WDR11: variants seen among roughly 807,000 people sequenced by gnomAD.
The protein encoded by WDR11 is WD repeat domain 11.
WDR11 carries 83 observed loss-of-function variants against 151.2 expected under a neutral mutation model. That is an observed-to-expected ratio of 0.55 (90% CI 0.46 to 0.66). The LOEUF is 0.66. Among genes scored for constraint, WDR11 ranks in the 30% least tolerant of loss-of-function variants. WDR11 has a pLI of 0.00. For missense variants in WDR11, 1,301 were observed against 1,480.9 expected (o/e 0.88, Z 1.99); for synonymous variants, 484 against 533.1 (o/e 0.91, Z 1.27).
At position 120,883,884 on chromosome 10, in the gene WDR11, C is replaced by CTT. The variant is rs769118717; in HGVS notation, c.1846_1847dup (p.Leu616PhefsTer10). On this transcript the variant is annotated frameshift_variant, in exon 14 of 29. Coordinates refer to ENST00000263461, the MANE Select transcript of WDR11 (RefSeq NM_018117.12). LOFTEE classifies it high-confidence loss of function. ...TCCAAAAACTTCCCTACAATAACTG[C>CTT]TTTGGTAAGTTACAATTTAAGAATT... The CTT allele has an allele frequency of 1.2e-6, 2 of 1,609,290 alleles. No homozygotes were observed. Among genetic ancestry groups the CTT allele is most frequent in the Non-Finnish European group, 1.7e-6 (2 of 1,175,986 alleles).
chr10:120,873,177 G>T (rs1846608739), intron 10 of WDR11, among the ~76,000 whole-genome samples: 1 of 152,140 alleles, frequency 6.6e-6, no homozygotes, highest in African/African-American at 2.4e-5. Context: ...CTTACTTTGT[G>T]CCAATTACTG....
intron 10 of WDR11, 47 bp downstream of exon 10, chr10:120,871,393 T>C (rs1799297918): frequency 6.4e-7 from 1 of 1,570,376 alleles, no homozygotes; most frequent in African/African-American, 1.4e-5. Context: ...CTTTATAAGA[T>C]GTTTAGGTTT....
At chr10:120,906,640 T>C in intron 27 of WDR11, 136 bp from the exon 28 acceptor site, 1 of 1,551,258 alleles carries the variant, frequency 6.4e-7, no homozygotes, top group Non-Finnish European at 8.7e-7. Context: ...AACTAGGGCT[T>C]AGAAAAGTGC....
At chr10:120,900,225 T>C in intron 20 of WDR11, 88 bp downstream of exon 20, 1 of 1,130,320 alleles carries the variant, frequency 8.8e-7, no homozygotes, top group East Asian at 2.3e-5. Flanking sequence ...TACTCCAGCA[T>C]TTAAAGGGAA....
intron 27 of WDR11, 129 bp from the exon 28 acceptor site, chr10:120,906,647 G>A (rs770821810): frequency 1.3e-6 from 2 of 1,562,648 alleles, no homozygotes; most frequent in Non-Finnish European, 1.7e-6. Context: ...GCTTAGAAAA[G>A]TGCTTGTATC....
In WDR11 at chr10:120,852,557, T is replaced by G. The variant is rs1351386932; in HGVS notation, c.120T>G (p.His40Gln). 1.9e-6 allele frequency: 3 copies of G among 1,614,074 alleles called. No individual in the cohort carries two copies. In the South Asian group the frequency reaches 3.3e-5, roughly 18 times the overall value. Residue 40 changes from histidine (H) to glutamine (Q), a missense_variant, in exon 2 of 29, where the codon CAT (histidine) becomes CAG (glutamine). By Grantham distance (24) the His-to-Gln change is conservative. Around this residue, in one of 3 missense-constraint regions of WDR11, gnomAD observed 692 missense variants for 762.5 expected, o/e 0.91. Transcript: ENST00000263461. ...GWQGLIAYGC[H>Q]SLVVVIDSIT... ...AAGGTTTAATTGCTTATGGATGTCA[T>G]TCACTTGTGGTAGTGATTGATTCCA...
intron 16 of WDR11, among the ~76,000 whole-genome samples, chr10:120,887,739 C>T (rs555214294): frequency 2.2e-4 from 34 of 152,260 alleles, no homozygotes; most frequent in Non-Finnish European, 4.1e-4. Context: ...CTTGAGTGTC[C>T]TCACGACATG....
chr10:120,886,730 A>G lies in WDR11; in HGVS notation c.2015A>G (p.Asn672Ser). 1 of 1,614,074 alleles carries G rather than the reference A, an allele frequency of 6.2e-7. No individual in the cohort carries two copies. The highest frequency in any genetic ancestry group is 8.5e-7 in the Non-Finnish European group (1 of 1,179,966). The change falls in exon 16 of 29, where the codon AAC becomes AGC. Residue 672 changes from asparagine to serine, a missense_variant. Asn to Ser is a conservative substitution (Grantham distance 46). This residue lies in a region of WDR11 where 589 missense variants were observed against 670.6 expected (regional missense o/e 0.88). Coordinates refer to ENST00000263461, the MANE Select transcript of WDR11 (RefSeq NM_018117.12). ...EAESKSELSQ[N>S]ISAREHFVFT... ...GAAAGTAAATCTGAACTTAGTCAGA[A>G]CATCTCTGCCCGGGAACATTTTGTA...
In WDR11 at chr10:120,903,233, G is replaced by A. The variant is rs1252726486; in HGVS notation, c.2931+1G>A. 6.2e-7 allele frequency: 1 copy of A among 1,614,098 alleles called. No individual in the cohort carries two copies. Among genetic ancestry groups the A allele is most frequent in the African/African-American group, 1.3e-5 (1 of 75,040 alleles). Reference sequence around the variant, plus strand: ...GCTCTGTGAAAATGCCTACTTTCAGGTAGTCTGCTTCACACAGCAAAACCT... The same window carrying A: ...GCTCTGTGAAAATGCCTACTTTCAGATAGTCTGCTTCACACAGCAAAACCT... On this transcript the variant is annotated splice_donor_variant, in intron 23 of 28. Transcript: ENST00000263461. LOFTEE classifies it high-confidence loss of function.
At chr10:120,905,680 GGTATA>G in intron 26 of WDR11, 191 bp from the exon 27 acceptor site, 1 of 1,000,626 alleles carries the variant, frequency 1.0e-6, no homozygotes, top group Non-Finnish European at 1.5e-6. Context: ...ACAGTCCAGA[GGTATA>G]GCCAGGCCCT....
In WDR11 at chr10:120,860,192, G is replaced by A. The variant is rs757808904; in HGVS notation, c.436G>A (p.Ala146Thr). ...HPPNYIVLWN[A>T]DTGTKLWKKS... is the part of the protein sequence containing the mutation. ...GCCAAATTACATTGTGCTCTGGAAT[G>A]CCGACACTGGCACCAAACTATGGAA... Residue 146 changes from alanine to threonine, a missense_variant, in exon 4 of 29, where the codon GCC (alanine) becomes ACC (threonine). Around this residue, in one of 3 missense-constraint regions of WDR11, gnomAD observed 692 missense variants for 762.5 expected, o/e 0.91. Transcript: ENST00000263461. The A allele has an allele frequency of 2.5e-6, 4 of 1,614,146 alleles. No homozygotes were observed. Among genetic ancestry groups the A allele is most frequent in the South Asian group, 2.2e-5 (2 of 91,078 alleles).
intron 19 of WDR11, among the ~76,000 whole-genome samples, chr10:120,898,697 C>T (rs1239937890): frequency 6.6e-6 from 1 of 152,196 alleles, no homozygotes; most frequent in Admixed American, 6.5e-5. Flanking sequence ...AAGTGTGGCA[C>T]TTGCCCCCTC....
rs974481991 is a variant in WDR11, at chr10:120,865,225, C to G, written c.879+13C>G. The G allele has an allele frequency of 1.1e-5, 17 of 1,612,478 alleles. No individual in the cohort carries two copies. The highest frequency in any genetic ancestry group is 1.4e-5 in the Non-Finnish European group (17 of 1,178,646). On this transcript the variant is annotated intron_variant, in intron 6 of 28. Transcript: ENST00000263461. ...TCCATTTTTACAGGTATCTACAATT[C>G]ATAAATTATATTCCCCAAAATTATT...
chr10:120,873,640 G>A (rs1178759626), intron 10 of WDR11, among the ~76,000 whole-genome samples, 199 bp from the exon 11 acceptor site: 1 of 152,202 alleles, frequency 6.6e-6, no homozygotes, highest in Non-Finnish European at 1.5e-5. Context: ...TTGAGCACGT[G>A]AGGTTAGGCC....
chr10:120,894,586 C>G (rs1847539781), intron 19 of WDR11, among the ~76,000 whole-genome samples: 1 of 152,174 alleles, frequency 6.6e-6, no homozygotes, highest in African/African-American at 2.4e-5. Context: ...TCCCAGACTT[C>G]CAGCTCACCT....
At chr10:120,878,303 T>G (rs748415680) in intron 11 of WDR11, 50 bp from the exon 12 acceptor site, 1 of 1,413,520 alleles carries the variant, frequency 7.1e-7, no homozygotes, top group South Asian at 1.2e-5. Flanking sequence ...AATGAACCTT[T>G]CAAATAAAAA....
At chr10:120,905,639 T>C in intron 26 of WDR11, 1 of 815,326 alleles carries the variant, frequency 1.2e-6, no homozygotes, top group Non-Finnish European at 1.9e-6. Context: ...AGCAGCTGCC[T>C]CCTCTTTCTC....
intron 7 of WDR11, 118 bp from the exon 8 acceptor site, chr10:120,866,451 A>G: frequency 1.8e-6 from 2 of 1,104,044 alleles, no homozygotes; most frequent in Non-Finnish European, 1.4e-6. Context: ...GCCATGCTTG[A>G]CATTGCATTC....
chr10:120,906,971 T>C, intron 28 of WDR11, 116 bp downstream of exon 28: 1 of 1,472,826 alleles, frequency 6.8e-7, no homozygotes, highest in East Asian at 2.4e-5. Flanking sequence ...GAAAGATCCA[T>C]GTTCTGATTT....
Sources: allele counts gnomAD v4.1 joint callset (sites outside exome capture counted in the v4.1 genomes callset), GRCh38; gene constraint gnomAD v4.1.1; regional missense constraint gnomAD v4.1.1; transcripts MANE v1.5; gene names NCBI Gene and HGNC (gene_info 2026-07-23, HGNC 2026-07-21).